The following LRRIQ1 variants were observed in gnomAD, a reference collection of about 807,000 sequenced individuals.
LRRIQ1 encodes the protein leucine-rich repeat- and IQ domain-containing protein 1.
Under a neutral mutation model 211.9 loss-of-function variants are expected in LRRIQ1, and 210 were observed. That is an observed-to-expected ratio of 0.99 (90% CI 0.89 to 1.11). The LOEUF is 1.11. Among genes scored for constraint, LRRIQ1 ranks in the 50% most tolerant of loss-of-function variants. The pLI is 0.00. For missense variants in LRRIQ1, 2,136 were observed against 1,939.5 expected, an observed-to-expected ratio of 1.10 and a Z score of -1.90; for synonymous variants, 699 against 650.1, an observed-to-expected ratio of 1.08 and a Z score of -1.14.
chr12:85,260,493 C>G (rs1896254547), intron 1 of LRRIQ1, among the ~76,000 whole-genome samples: 1 of 152,110 alleles, frequency 6.6e-6, no homozygotes, highest in African/African-American at 2.4e-5. Flanking sequence ...TGTAGTGGAA[C>G]AAAATGTATT....
chr12:85,249,042 T>C (rs1895821020), downstream of LRRIQ1, among the ~76,000 whole-genome samples: 1 of 151,814 alleles, frequency 6.6e-6, no homozygotes, highest in Non-Finnish European at 1.5e-5. Context: ...ACTAAACTAT[T>C]TGTTAAGGAA....
chr12:85,072,672 T>C lies in LRRIQ1; in HGVS notation c.2696-235T>C, dbSNP rs73379765. Among the ~76,000 whole-genome samples, 1,350 of 152,114 alleles carry C rather than the reference T, an allele frequency of 8.9e-3. 18 individuals are homozygous for C. Among genetic ancestry groups the C allele is most frequent in the African/African-American group, 0.031 (1,304 of 41,534 alleles). ...TTTTTTCATTCTCTCTTTAATGCCT[T>C]TGAAACTAAATTCTACCTTGTCCGA... On this transcript the variant is annotated intron_variant, in intron 10 of 26. Coordinates refer to ENST00000393217, the MANE Select transcript of LRRIQ1 (RefSeq NM_001079910.2).
intron 19 of LRRIQ1, among the ~76,000 whole-genome samples, chr12:85,150,254 C>T (rs538244828): frequency 5.9e-5 from 9 of 151,830 alleles, no homozygotes; most frequent in African/African-American, 2.2e-4. Context: ...ATCAATTTAG[C>T]AGTTTTCAGC....
At chr12:85,194,384 C>A (rs1892772838) in intron 24 of LRRIQ1, among the ~76,000 whole-genome samples, 1 of 136,586 alleles carries the variant, frequency 7.3e-6, no homozygotes, top group African/African-American at 2.8e-5. Flanking sequence ...TTTTCAGCAC[C>A]ACACCACACC....
At chr12:85,190,486 A>G (rs1268309779) in intron 24 of LRRIQ1, among the ~76,000 whole-genome samples, 3 of 147,978 alleles carry the variant, frequency 2.0e-5, no homozygotes, top group African/African-American at 7.4e-5. Context: ...TATTTATATT[A>G]TATACAATTT....
At chr12:85,129,349 C>T (rs985653680) in intron 18 of LRRIQ1, among the ~76,000 whole-genome samples, 8 of 152,090 alleles carry the variant, frequency 5.3e-5, no homozygotes, top group Non-Finnish European at 8.8e-5. Flanking sequence ...TGTAGAAATT[C>T]GTGTTAAATG....
At chr12:85,186,341 T>C (rs973362395) in intron 24 of LRRIQ1, among the ~76,000 whole-genome samples, 6 of 152,148 alleles carry the variant, frequency 3.9e-5, no homozygotes, top group Non-Finnish European at 8.8e-5. Flanking sequence ...TTTAACACAA[T>C]TATTTGCTGC....
downstream of LRRIQ1, among the ~76,000 whole-genome samples, chr12:85,247,922 C>A (rs1295133126): frequency 1.3e-5 from 2 of 151,552 alleles, no homozygotes; most frequent in South Asian, 2.1e-4. Context: ...TACAAAGAGG[C>A]CAAAGCAGTC....
At position 85,055,919 on chromosome 12, in the gene LRRIQ1, G is replaced by A; in HGVS notation, c.1126G>A (p.Glu376Lys). The A allele has an allele frequency of 6.2e-7, 1 of 1,604,016 alleles. No homozygotes were observed. Among genetic ancestry groups the A allele is most frequent in the Non-Finnish European group, 8.5e-7 (1 of 1,176,750 alleles). The part of the protein sequence containing the change: ...EKKNIVKQER[E>K]QLISKEKIIL... The stretch of plus-strand genomic sequence containing the variant: ...AAAGAATATTGTGAAACAGGAAAGA[G>A]AGCAACTAATAAGCAAGGAAAAAAT... Residue 376 changes from glutamate (E) to lysine (K), a missense_variant, in exon 8 of 27, where the codon GAG becomes AAG. Glu to Lys is a moderately conservative substitution (Grantham distance 56). Coordinates refer to ENST00000393217, the MANE Select transcript of LRRIQ1 (RefSeq NM_001079910.2).
chr12:85,257,715 T>G (rs1419778936), intron 1 of LRRIQ1, among the ~76,000 whole-genome samples: 1 of 151,868 alleles, frequency 6.6e-6, no homozygotes, highest in Non-Finnish European at 1.5e-5. Context: ...AATCTAGTTC[T>G]GAAACAAATC....
chr12:85,092,718 A>C (rs1487618562), intron 11 of LRRIQ1, among the ~76,000 whole-genome samples: 1 of 152,198 alleles, frequency 6.6e-6, no homozygotes, highest in Non-Finnish European at 1.5e-5. Context: ...ACCCTGCACT[A>C]ACCTTTGGTG....
chr12:85,065,861 C>A (rs952531549), intron 9 of LRRIQ1, among the ~76,000 whole-genome samples: 1 of 151,838 alleles, frequency 6.6e-6, no homozygotes, highest in African/African-American at 2.4e-5. Flanking sequence ...ATGTCTGCTG[C>A]CTTGGCAGGA....
intron 14 of LRRIQ1, among the ~76,000 whole-genome samples, chr12:85,105,070 T>C (rs1886671184): frequency 6.6e-6 from 1 of 152,120 alleles, no homozygotes; most frequent in African/African-American, 2.4e-5. Context: ...TTCAAGTGTT[T>C]CACCATTTTG....
At chr12:85,236,282 C>T (rs916210351) in intron 26 of LRRIQ1, among the ~76,000 whole-genome samples, 1 of 152,170 alleles carries the variant, frequency 6.6e-6, no homozygotes, top group Non-Finnish European at 1.5e-5. Context: ...AATTAAATAT[C>T]TCTTTCTATT....
chr12:85,250,880 T>TATATATAATATATTTTATATATTATATA (rs1895903557), intron 1 of LRRIQ1, among the ~76,000 whole-genome samples: 3 of 98,774 alleles, frequency 3.0e-5, no homozygotes, highest in African/African-American at 4.1e-5. Context: ...TATATTATAT[T>TATATATAATATATTTTATATATTATATA]ATATATAATA....
At chr12:85,230,361 G>A (rs761207538) in intron 25 of LRRIQ1, among the ~76,000 whole-genome samples, 2 of 152,146 alleles carry the variant, frequency 1.3e-5, no homozygotes, top group Non-Finnish European at 2.9e-5. Flanking sequence ...AGTATCTTTG[G>A]AGACCTTCTC....
chr12:85,177,289 A>AC (rs1240318425), intron 24 of LRRIQ1, among the ~76,000 whole-genome samples: 1 of 152,074 alleles, frequency 6.6e-6, no homozygotes, highest in Non-Finnish European at 1.5e-5. Flanking sequence ...ATAAACACAA[A>AC]CCACCTGTAA....
chr12:85,116,830 A>G (rs1030909297), intron 15 of LRRIQ1, among the ~76,000 whole-genome samples: 4 of 151,884 alleles, frequency 2.6e-5, no homozygotes, highest in African/African-American at 9.7e-5. Flanking sequence ...TTAGTTTGCT[A>G]AGGATAATAG....
At chr12:85,254,049 G>C (rs977861344) in intron 1 of LRRIQ1, among the ~76,000 whole-genome samples, 1 of 151,952 alleles carries the variant, frequency 6.6e-6, no homozygotes, top group Non-Finnish European at 1.5e-5. Context: ...GCAATAGTGA[G>C]TCAGTTCTTC....
Sources: gnomAD v4.1 joint callset for allele counts (sites outside exome capture counted in the v4.1 genomes callset) on GRCh38, gnomAD v4.1.1 for gene constraint, MANE v1.5 for transcripts, NCBI Gene and HGNC (gene_info 2026-07-23, HGNC 2026-07-21) for gene names.